Variants in NUP42 observed in about 807,000 individuals in gnomAD.
NUP42 encodes nucleoporin 42.
A neutral mutation model predicts 35.9 loss-of-function variants in NUP42; 47 were observed. That is an observed-to-expected ratio of 1.31 (90% CI 1.04 to 1.67). NUP42 has a LOEUF of 1.67. Among genes scored for constraint, NUP42 ranks in the 40% most tolerant of loss-of-function variants. The probability of loss-of-function intolerance (pLI) is 0.00; values close to 1 mark genes in which losing one functional copy is unlikely to be tolerated. For synonymous variants in NUP42, 173 were observed against 173.3 expected (o/e 1.00, Z 0.01); for missense variants, 514 against 492.2 (o/e 1.04, Z -0.42).
chr7:23,189,805 T>TGGGAGGCTGA (rs1473183701), intron 3 of NUP42, among the ~76,000 whole-genome samples: 1 of 150,410 alleles, frequency 6.6e-6, no homozygotes, highest in Non-Finnish European at 1.5e-5. Context: ...CCTAGCTACT[T>TGGGAGGCTGA]GGGAGGCTGA....
chr7:23,185,826 G>A (rs1463097428), intron 2 of NUP42, among the ~76,000 whole-genome samples: 1 of 152,220 alleles, frequency 6.6e-6, no homozygotes, highest in East Asian at 1.9e-4. Context: ...TGCAGCCTCC[G>A]CCTTCTGGGC....
chr7:23,187,942 C>CGGGG, intron 3 of NUP42: 1 of 288,088 alleles, frequency 3.5e-6, no homozygotes, highest in Non-Finnish European at 6.7e-6. Flanking sequence ...CTCTGTCTCT[C>CGGGG]TCTCTCTCTC....
intron 4 of NUP42, chr7:23,196,468 A>G: frequency 2.0e-6 from 1 of 507,934 alleles, no homozygotes; most frequent in Admixed American, 3.5e-5. Context: ...GATACTAACC[A>G]GATGATACAA....
Position 23,182,182 on chromosome 7 carries a change from CA to C in NUP42, c.98del (p.Gln33ArgfsTer89). The C allele has an allele frequency of 6.2e-7, 1 of 1,612,656 alleles. No individual in the cohort carries two copies. The highest frequency in any genetic ancestry group is 8.5e-7 in the Non-Finnish European group (1 of 1,179,332). On this transcript the variant is annotated frameshift_variant, in exon 1 of 7. Transcript: ENST00000258742. LOFTEE classifies it high-confidence loss of function. ...TGCTAGGGGTGCAGGAGGAGGACGG[CA>C]GCAACCGCAGCAGCAGCCTTCAGGT... ...PGARGAGGGR[Q>X]QPQQQPSGNN... is the part of the protein sequence containing the mutation.
intron 2 of NUP42, 103 bp downstream of exon 2, chr7:23,185,401 T>C: frequency 2.5e-6 from 2 of 792,058 alleles, no homozygotes; most frequent in Non-Finnish European, 4.0e-6. Flanking sequence ...CACAATACAA[T>C]ATTTTCTTTA....
At chr7:23,191,605 A>T in intron 3 of NUP42, among the ~76,000 whole-genome samples, 1 of 152,246 alleles carries the variant, frequency 6.6e-6, no homozygotes, top group Non-Finnish European at 1.5e-5. Flanking sequence ...CCTTGGAGTT[A>T]ATAATAACTG....
chr7:23,188,007 ATT>A lies in NUP42; in HGVS notation c.445+865_445+866del, dbSNP rs774952755. On this transcript the variant is annotated intron_variant, in intron 3 of 6. Coordinates refer to ENST00000258742, the MANE Select transcript of NUP42 (RefSeq NM_007342.3). ...TTCTCTCTCTCTTTTTTTATTTTTT[ATT>A]TTTATTTTTTTTTTTGTCCATAGTC... The A allele has an allele frequency of 8.8e-6, 9 of 1,019,796 alleles. No homozygotes were observed. The African/African-American group carries it at 1.5e-4, about 17-fold the overall frequency. 63.2% of individuals were successfully genotyped at this position (1,019,796 alleles called of 1,614,324 possible). A position where few individuals can be genotyped will look rare whatever the true frequency, so the allele number is the denominator to read the frequency against.
At chr7:23,188,046 T>C (rs1327553140) in intron 3 of NUP42, 1 of 1,439,696 alleles carries the variant, frequency 6.9e-7, no homozygotes. Flanking sequence ...CTAAGCCCTT[T>C]CTGGGCTGAA....
intron 3 of NUP42, among the ~76,000 whole-genome samples, chr7:23,189,464 A>G (rs1785714812): frequency 6.6e-6 from 1 of 152,166 alleles, no homozygotes; most frequent in East Asian, 1.9e-4. Flanking sequence ...AAATACAAAA[A>G]TTAGCCTGAG....
intron 2 of NUP42, among the ~76,000 whole-genome samples, chr7:23,186,201 T>C (rs888747866): frequency 6.6e-6 from 1 of 152,250 alleles, no homozygotes; most frequent in African/African-American, 2.4e-5. Flanking sequence ...CTATCTGTAA[T>C]GTTCTCTCAA....
intron 3 of NUP42, among the ~76,000 whole-genome samples, chr7:23,190,858 A>T (rs778973662): frequency 3.3e-5 from 5 of 152,240 alleles, no homozygotes; most frequent in Non-Finnish European, 4.4e-5. Flanking sequence ...ACTTGAGAAA[A>T]TTATCACTCA....
At position 23,188,284 on chromosome 7, in the gene NUP42, T is replaced by C. The variant is rs939512783; in HGVS notation, c.445+1138T>C. 30 of 1,214,618 alleles carry C rather than the reference T, an allele frequency of 2.5e-5. No individual in the cohort carries two copies. In the African/African-American group the frequency reaches 4.6e-4, roughly 18 times the overall value. 75.2% of individuals were successfully genotyped at this position (1,214,618 alleles called of 1,614,324 possible). ...TTAACAAATATTTACTGAATTTCTTTTGTGCTAAGTGCTAGGAATATAGTG... is the reference window on the plus strand; with the variant it reads ...TTAACAAATATTTACTGAATTTCTTCTGTGCTAAGTGCTAGGAATATAGTG... On this transcript the variant is annotated intron_variant, in intron 3 of 6. Transcript: ENST00000258742.
intron 3 of NUP42, among the ~76,000 whole-genome samples, chr7:23,189,382 C>T (rs553867176): frequency 6.6e-6 from 1 of 152,022 alleles, no homozygotes; most frequent in Non-Finnish European, 1.5e-5. Context: ...TGGGAGGCTG[C>T]GGTGGGAGAA....
chr7:23,182,238 G>C lies in NUP42; in HGVS notation c.121+32G>C, dbSNP rs747546084. ...CTCCTCTGAATCCTCCGCGGTAACC[G>C]AGCCGGGAAGGGTCCGCCGGCGGGG... On this transcript the variant is annotated intron_variant, in intron 1 of 6. Coordinates refer to ENST00000258742, the MANE Select transcript of NUP42 (RefSeq NM_007342.3). 1.0e-5 allele frequency: 16 copies of C among 1,571,556 alleles called. No homozygotes were observed. The South Asian group carries it at 1.4e-4, about 13-fold the overall frequency.
rs1159899055 is a variant in NUP42 at position 23,188,107 on chromosome 7, C to T, written c.445+961C>T. ...CCCACTCTGGGTGTTCCTGGGCCTCCGTCCTTTTGAGGAAACAGTGGGTAC... is the reference window on the plus strand; with the variant it reads ...CCCACTCTGGGTGTTCCTGGGCCTCTGTCCTTTTGAGGAAACAGTGGGTAC... On this transcript the variant is annotated intron_variant, in intron 3 of 6. Coordinates refer to ENST00000258742, the MANE Select transcript of NUP42 (RefSeq NM_007342.3). 5 of 1,390,764 alleles carry T rather than the reference C, an allele frequency of 3.6e-6. No homozygotes were observed. In the East Asian group the frequency reaches 8.6e-5, roughly 24 times the overall value. 86.2% of individuals were successfully genotyped at this position (1,390,764 alleles called of 1,614,324 possible). A position where few individuals can be genotyped will look rare whatever the true frequency, so the allele number is the denominator to read the frequency against.
chr7:23,193,844 G>C (rs1394858848), intron 3 of NUP42, among the ~76,000 whole-genome samples: 1 of 152,218 alleles, frequency 6.6e-6, no homozygotes, highest in Non-Finnish European at 1.5e-5. Context: ...GGGAGGCTCA[G>C]GCATGGCGGG....
At chr7:23,186,174 G>A (rs951735381) in intron 2 of NUP42, among the ~76,000 whole-genome samples, 7 of 152,194 alleles carry the variant, frequency 4.6e-5, no homozygotes, top group Non-Finnish European at 8.8e-5. Context: ...TATGGCTGGT[G>A]TCAAAACAAT....
chr7:23,184,353 A>G (rs371386070), intron 1 of NUP42, among the ~76,000 whole-genome samples: 60 of 152,310 alleles, frequency 3.9e-4, no homozygotes, highest in African/African-American at 1.3e-3. Flanking sequence ...AGCCTTTACT[A>G]CAGTATAGGG....
chr7:23,191,713 T>C (rs541777480), intron 3 of NUP42, among the ~76,000 whole-genome samples: 11 of 152,320 alleles, frequency 7.2e-5, no homozygotes, highest in African/African-American at 2.6e-4. Flanking sequence ...GGGCCAGATG[T>C]GGTGGCTCAT....
Sources: gnomAD v4.1 joint callset for allele counts (sites outside exome capture counted in the v4.1 genomes callset) on GRCh38, gnomAD v4.1.1 for gene constraint, MANE v1.5 for transcripts, NCBI Gene and HGNC (gene_info 2026-07-23, HGNC 2026-07-21) for gene names.